VRK2: variants seen among roughly 807,000 people sequenced by gnomAD.
The protein encoded by VRK2 is VRK serine/threonine kinase 2.
VRK2 carries 60 observed loss-of-function variants against 57.6 expected under a neutral mutation model. The ratio of observed to expected loss-of-function variants is 1.04; its 90% CI spans 0.85 to 1.29. The LOEUF is 1.29. Ranked by LOEUF, VRK2 falls within the 50% of genes most tolerant of loss-of-function variation. The pLI, the probability that VRK2 is intolerant of heterozygous loss-of-function variation, is 0.00. For synonymous variants in VRK2, 231 were observed against 199.2 expected, an observed-to-expected ratio of 1.16 and a Z score of -1.35; for missense variants, 705 against 588.1, an observed-to-expected ratio of 1.20 and a Z score of -2.06.
At chr2:58,052,233 A>G (rs933472540) in intron 2 of VRK2, among the ~76,000 whole-genome samples, 6 of 152,226 alleles carry the variant, frequency 3.9e-5, no homozygotes, top group Non-Finnish European at 7.3e-5. Context: ...GGAGAATTAA[A>G]TGAGATTTTT....
intron 12 of VRK2, among the ~76,000 whole-genome samples, chr2:58,156,751 CATTA>C (rs1294270129): frequency 3.3e-5 from 5 of 152,088 alleles, no homozygotes; most frequent in Non-Finnish European, 5.9e-5. Flanking sequence ...CATATCTGTT[CATTA>C]ATTATGTTCA....
At chr2:58,000,148 G>A (rs1024332187) in intron 1 of VRK2, among the ~76,000 whole-genome samples, 1 of 152,090 alleles carries the variant, frequency 6.6e-6, no homozygotes, top group Non-Finnish European at 1.5e-5. Context: ...TGAGCTCCCT[G>A]CTCTTAAACT....
At chr2:58,079,422 A>G (rs999157612) in intron 2 of VRK2, among the ~76,000 whole-genome samples, 2 of 152,062 alleles carry the variant, frequency 1.3e-5, no homozygotes, top group Admixed American at 6.6e-5. Context: ...ACTTGCCCCA[A>G]TTATTACTTG....
At chr2:58,036,217 G>A (rs1285613321) in intron 3 of VRK2, among the ~76,000 whole-genome samples, 1 of 151,832 alleles carries the variant, frequency 6.6e-6, no homozygotes, top group African/African-American at 2.4e-5. Flanking sequence ...AATAGAAGCA[G>A]TATTGTATAT....
chr2:57,958,399 A>ATATGTGTG (rs1671649147), intron 1 of VRK2, among the ~76,000 whole-genome samples: 1 of 151,276 alleles, frequency 6.6e-6, no homozygotes, highest in Non-Finnish European at 1.5e-5. Flanking sequence ...TTATATGTAT[A>ATATGTGTG]TATGTGTGTA....
intron 1 of VRK2, among the ~76,000 whole-genome samples, chr2:57,975,946 GT>G (rs1054320051): frequency 2.0e-5 from 3 of 151,820 alleles, no homozygotes; most frequent in Non-Finnish European, 4.4e-5. Context: ...AGACTCCAGT[GT>G]CTGTTGTTCC....
At chr2:58,014,011 A>C (rs1031518285) in intron 1 of VRK2, among the ~76,000 whole-genome samples, 1 of 152,210 alleles carries the variant, frequency 6.6e-6, no homozygotes, top group East Asian at 1.9e-4. Context: ...TACTTTCAGG[A>C]GATAATAGAA....
intron 7 of VRK2, among the ~76,000 whole-genome samples, chr2:58,098,429 T>G (rs1673474176): frequency 6.6e-6 from 1 of 152,068 alleles, no homozygotes; most frequent in Admixed American, 6.6e-5. Context: ...TCATCTAGAG[T>G]AACTTCCAGT....
At chr2:57,973,397 A>T (rs1672153537) in intron 1 of VRK2, among the ~76,000 whole-genome samples, 1 of 151,958 alleles carries the variant, frequency 6.6e-6, no homozygotes. Flanking sequence ...GAAACAGATT[A>T]TAATACATAA....
At chr2:58,031,349 C>T (rs1167768611) in intron 2 of VRK2, among the ~76,000 whole-genome samples, 2 of 151,866 alleles carry the variant, frequency 1.3e-5, no homozygotes, top group Non-Finnish European at 2.9e-5. Context: ...GCTTTGTTCC[C>T]GTGTCCCCTA....
At chr2:57,915,090 A>T (rs1436114861) in intron 1 of VRK2, among the ~76,000 whole-genome samples, 8 of 152,172 alleles carry the variant, frequency 5.3e-5, no homozygotes, top group Admixed American at 2.6e-4. Flanking sequence ...TAAAAAGGAC[A>T]AAATTAGAAA....
At chr2:58,126,226 C>A (rs1678324186) in intron 8 of VRK2, among the ~76,000 whole-genome samples, 2 of 151,734 alleles carry the variant, frequency 1.3e-5, no homozygotes, top group African/African-American at 4.8e-5. Context: ...CTTGGTCAGG[C>A]CAAGAGACCT....
intron 2 of VRK2, among the ~76,000 whole-genome samples, chr2:58,062,968 G>A (rs752103853): frequency 6.6e-6 from 1 of 152,056 alleles, no homozygotes; most frequent in Non-Finnish European, 1.5e-5. Flanking sequence ...AGAAGTCAAT[G>A]CCTGGGTTCA....
intron 12 of VRK2, among the ~76,000 whole-genome samples, chr2:58,156,010 G>A (rs1683777281): frequency 6.6e-6 from 1 of 151,322 alleles, no homozygotes; most frequent in East Asian, 1.9e-4. Flanking sequence ...AGGTACTAAA[G>A]TACATGGCGG....
chr2:58,041,238 C>T (rs13014613), intron 3 of VRK2, among the ~76,000 whole-genome samples: 51,900 of 152,068 alleles, frequency 0.34, 10,448 homozygotes, highest in East Asian at 0.54. Flanking sequence ...TTTACATTTA[C>T]ATTTTGTTTG....
chr2:58,099,098 T>C (rs1673576073), intron 7 of VRK2, among the ~76,000 whole-genome samples: 1 of 152,012 alleles, frequency 6.6e-6, no homozygotes, highest in South Asian at 2.1e-4. Context: ...TCCTTACTTA[T>C]AATGGAATTA....
intron 1 of VRK2, among the ~76,000 whole-genome samples, chr2:57,935,600 C>T (rs1670879916): frequency 6.6e-6 from 1 of 152,068 alleles, no homozygotes; most frequent in Admixed American, 6.5e-5. Flanking sequence ...ATTCATGGGC[C>T]AGCTTCCTGG....
chr2:57,932,368 T>A lies in VRK2; in HGVS notation c.-439+24529T>A, dbSNP rs78772130. ...GAGATTTTTGATTACCTATTCAAAA[T>A]CCTTACTCGTTATTCATCTGTTCAG... is the stretch of plus-strand genomic sequence containing the variant. On this transcript the variant is annotated intron_variant, in intron 1 of 15. Coordinates refer to the VRK2 transcript ENST00000417641. Among the ~76,000 whole-genome samples the A allele has an allele frequency of 9.1e-3, 1,379 of 152,268 alleles. 13 individuals are homozygous for A. Among genetic ancestry groups the A allele is most frequent in the Non-Finnish European group, 0.011 (748 of 68,008 alleles).
At chr2:58,084,281 A>T (rs1205278004) in intron 3 of VRK2, 143 bp downstream of exon 3, 1 of 834,836 alleles carries the variant, frequency 1.2e-6, no homozygotes, top group Non-Finnish European at 1.7e-6. Flanking sequence ...TTGTTAAAAC[A>T]TTAAAACTGG....
Sources: gnomAD v4.1 joint callset for allele counts (sites outside exome capture counted in the v4.1 genomes callset) on GRCh38, gnomAD v4.1.1 for gene constraint, MANE v1.5 for transcripts, NCBI Gene and HGNC (gene_info 2026-07-23, HGNC 2026-07-21) for gene names.